CDK14: variants seen among roughly 807,000 people sequenced by gnomAD.
CDK14 encodes the protein cyclin dependent kinase 14.
CDK14 carries 34 observed loss-of-function variants against 60.7 expected under a neutral mutation model. The observed-to-expected ratio is 0.56, with a 90% CI of 0.43 to 0.75. The LOEUF is 0.75. CDK14 is among the 30% of genes least tolerant of loss of function. CDK14 has a pLI of 0.00. For missense variants in CDK14, 482 were observed against 564.1 expected (o/e 0.85, Z 1.47); for synonymous variants, 197 against 203.7 (o/e 0.97, Z 0.28).
intron 2 of CDK14, among the ~76,000 whole-genome samples, chr7:90,625,312 C>T (rs1799854264): frequency 6.6e-6 from 1 of 152,162 alleles, no homozygotes; most frequent in African/African-American, 2.4e-5. Flanking sequence ...TGCCCTCCAG[C>T]CTGGGCAACA....
intron 7 of CDK14, among the ~76,000 whole-genome samples, chr7:90,917,058 TATTA>T (rs1280436433): frequency 6.6e-6 from 1 of 152,204 alleles, no homozygotes; most frequent in Non-Finnish European, 1.5e-5. Context: ...TATAATGTAG[TATTA>T]ATTAGACAAT....
intron 14 of CDK14, among the ~76,000 whole-genome samples, chr7:91,130,356 A>G: frequency 6.6e-6 from 1 of 152,152 alleles, no homozygotes; most frequent in Admixed American, 6.6e-5. Flanking sequence ...TCTCACATAA[A>G]TATTTTTAAT....
At chr7:91,137,694 GTGT>G (rs142252256) in intron 14 of CDK14, among the ~76,000 whole-genome samples, 55,606 of 105,106 alleles carry the variant, frequency 0.53, 10,712 homozygotes, top group African/African-American at 0.56. Context: ...CTTGTGGGGG[GTGT>G]GTGTGTGTGT....
intron 7 of CDK14, among the ~76,000 whole-genome samples, chr7:90,904,530 C>A (rs1584107936): frequency 6.6e-6 from 1 of 151,072 alleles, no homozygotes; most frequent in East Asian, 1.9e-4. Context: ...TCATGGGAGA[C>A]AAAATTGAAG....
chr7:90,708,312 G>C (rs1801945582), intron 2 of CDK14, among the ~76,000 whole-genome samples: 1 of 152,066 alleles, frequency 6.6e-6, no homozygotes, highest in East Asian at 1.9e-4. Context: ...AAGTGCTGTT[G>C]GTTCTGGAAA....
In CDK14 at chr7:91,172,154, C is replaced by T. The variant is rs148493924; in HGVS notation, c.*29-35011C>T. On this transcript the variant is annotated intron_variant, in intron 14 of 14. Coordinates refer to ENST00000380050, the MANE Select transcript of CDK14 (RefSeq NM_001287135.2). ...AATTTATTCACTTACCCAGTAAGAT[C>T]TGTTAAGAGGTATAGAGACAAACAT... 2.4e-4 allele frequency among the ~76,000 whole-genome samples: 37 copies of T among 152,270 alleles called. 1 individual carries two copies. The East Asian group carries it at 7.1e-3, about 29-fold the overall frequency.
chr7:90,699,778 T>A (rs1357551667), intron 2 of CDK14, among the ~76,000 whole-genome samples: 1 of 152,174 alleles, frequency 6.6e-6, no homozygotes, highest in Non-Finnish European at 1.5e-5. Context: ...TAGGTGCCCT[T>A]AGACGGAACT....
chr7:90,903,817 C>T (rs1315738591), intron 7 of CDK14, among the ~76,000 whole-genome samples: 2 of 152,068 alleles, frequency 1.3e-5, no homozygotes, highest in African/African-American at 2.4e-5. Context: ...ACGCTGGGCT[C>T]CCCAAAATAT....
At chr7:90,639,782 C>A (rs1278185313) in intron 2 of CDK14, among the ~76,000 whole-genome samples, 1 of 151,916 alleles carries the variant, frequency 6.6e-6, no homozygotes, top group African/African-American at 2.4e-5. Context: ...CCAGTTCGAG[C>A]TTCCCGGCTG....
intron 14 of CDK14, among the ~76,000 whole-genome samples, chr7:91,120,165 T>C (rs1562912777): frequency 6.6e-6 from 1 of 152,218 alleles, no homozygotes; most frequent in Admixed American, 6.5e-5. Context: ...TGAATTTCAA[T>C]TGCAAGGCTG....
intron 9 of CDK14, among the ~76,000 whole-genome samples, chr7:90,974,722 T>C (rs900458437): frequency 2.0e-5 from 3 of 152,180 alleles, no homozygotes; most frequent in Middle Eastern, 3.2e-3. Context: ...TTTGAGAAAA[T>C]TGACTGAGTA....
At position 91,053,534 on chromosome 7, in the gene CDK14, G is replaced by A. The variant is rs115615832; in HGVS notation, c.1105+7574G>A. Among the ~76,000 whole-genome samples, 576 of 152,244 alleles carry A rather than the reference G, an allele frequency of 3.8e-3. 4 individuals are homozygous for A. The highest frequency in any genetic ancestry group is 0.013 in the African/African-American group (537 of 41,538). ...TACCAGATCCACCCTCCACTTGCTA[G>A]GTATGGGCATATTCTTCCGCCCTTT... On this transcript the variant is annotated intron_variant, in intron 11 of 14. Coordinates refer to ENST00000380050, the MANE Select transcript of CDK14 (RefSeq NM_001287135.2).
intron 8 of CDK14, among the ~76,000 whole-genome samples, chr7:90,953,535 T>A (rs1794322143): frequency 6.6e-6 from 1 of 152,188 alleles, no homozygotes; most frequent in Non-Finnish European, 1.5e-5. Context: ...GATCTGAAAT[T>A]ACATGTGGTT....
intron 7 of CDK14, among the ~76,000 whole-genome samples, chr7:90,915,131 G>A (rs1793035029): frequency 6.6e-6 from 1 of 152,136 alleles, no homozygotes; most frequent in Admixed American, 6.5e-5. Context: ...GCAAAGGGAA[G>A]AGAGGGCTTT....
At chr7:91,008,127 CAAA>C (rs56082719) in intron 10 of CDK14, among the ~76,000 whole-genome samples, 3 of 62,592 alleles carry the variant, frequency 4.8e-5, no homozygotes, top group Non-Finnish European at 6.3e-5. Context: ...GGGAGAAGGC[CAAA>C]AAAAAAAAAA....
chr7:90,687,726 A>G (rs954423225), intron 2 of CDK14, among the ~76,000 whole-genome samples: 3 of 152,162 alleles, frequency 2.0e-5, no homozygotes, highest in Admixed American at 6.6e-5. Context: ...GATTTCAGTT[A>G]TTTAAAACAT....
rs1803875987 is a variant in CDK14 at position 90,752,271 on chromosome 7, G to A, written c.464+4496G>A. Among the ~76,000 whole-genome samples, 3 of 143,652 alleles carry A rather than the reference G, an allele frequency of 2.1e-5. No individual in the cohort carries two copies. The South Asian group carries it at 6.9e-4, about 33-fold the overall frequency. 94.2% of individuals were successfully genotyped at this position (143,652 alleles called of 152,430 possible). On this transcript the variant is annotated intron_variant, in intron 4 of 14. Transcript: ENST00000380050. Reference sequence around the variant, plus strand: ...AGATGACCACATGCTCAGTCATAAAGCAAGTCTCAGTAAATTAAAAAAAAA... The same window carrying A: ...AGATGACCACATGCTCAGTCATAAAACAAGTCTCAGTAAATTAAAAAAAAA...
chr7:90,984,350 C>T, intron 10 of CDK14, 109 bp downstream of exon 10: 2 of 732,966 alleles, frequency 2.7e-6, no homozygotes, highest in Non-Finnish European at 4.8e-6. Flanking sequence ...AATTTGTTGT[C>T]ACATTTGGTT....
At chr7:90,698,881 G>T (rs1052814734) in intron 2 of CDK14, among the ~76,000 whole-genome samples, 4 of 152,016 alleles carry the variant, frequency 2.6e-5, no homozygotes, top group Non-Finnish European at 4.4e-5. Flanking sequence ...GTTCTCTCTC[G>T]ACTCTTACCC....
Sources: gnomAD v4.1 joint callset for allele counts (sites outside exome capture counted in the v4.1 genomes callset) on GRCh38, gnomAD v4.1.1 for gene constraint, MANE v1.5 for transcripts, NCBI Gene and HGNC (gene_info 2026-07-23, HGNC 2026-07-21) for gene names.